ARHGEF3: variants seen among roughly 807,000 people sequenced by gnomAD.
ARHGEF3 encodes Rho guanine nucleotide exchange factor 3.
Under a neutral mutation model 63.2 loss-of-function variants are expected in ARHGEF3, and 28 were observed. The observed-to-expected ratio is 0.44, with a 90% CI of 0.33 to 0.61. ARHGEF3 has a LOEUF of 0.61. Ranked by LOEUF, ARHGEF3 falls within the 20% of genes least tolerant of loss-of-function variation. The probability of loss-of-function intolerance (pLI) is 0.03; values close to 1 mark genes in which losing one functional copy is unlikely to be tolerated. For synonymous variants in ARHGEF3, 266 were observed against 254.2 expected (o/e 1.05, Z -0.44); for missense variants, 533 against 659.3 (o/e 0.81, Z 2.10).
At chr3:56,746,584 G>T (rs931876360) in intron 6 of ARHGEF3, among the ~76,000 whole-genome samples, 2 of 151,976 alleles carry the variant, frequency 1.3e-5, no homozygotes, top group South Asian at 4.2e-4. Context: ...ACAAAAATTA[G>T]CCAGGCATGG....
At chr3:57,021,484 G>A (rs1367230833) in intron 2 of ARHGEF3, among the ~76,000 whole-genome samples, 1 of 152,060 alleles carries the variant, frequency 6.6e-6, no homozygotes, top group Non-Finnish European at 1.5e-5. Context: ...GCGGCCAGGC[G>A]CGGTGGCTCA....
chr3:56,982,403 G>T (rs1701359780), intron 2 of ARHGEF3, among the ~76,000 whole-genome samples: 1 of 152,146 alleles, frequency 6.6e-6, no homozygotes. Context: ...CTAGCACACA[G>T]TAAGCACTTA....
intron 3 of ARHGEF3, among the ~76,000 whole-genome samples, chr3:56,926,259 G>A (rs1051019412): frequency 2.6e-5 from 4 of 152,266 alleles, no homozygotes; most frequent in Admixed American, 1.3e-4. Context: ...TTCAGGAGGC[G>A]AGGAGACAGT....
At chr3:56,863,411 C>T (rs1207705405) in intron 4 of ARHGEF3, among the ~76,000 whole-genome samples, 1 of 151,982 alleles carries the variant, frequency 6.6e-6, no homozygotes, top group African/African-American at 2.4e-5. Context: ...GCGATCCTCT[C>T]ACCTCAGCCT....
chr3:57,060,263 G>A (rs1450336544), intron 1 of ARHGEF3, among the ~76,000 whole-genome samples: 16 of 149,344 alleles, frequency 1.1e-4, no homozygotes, highest in Admixed American at 3.3e-4. Flanking sequence ...ATTGTGCCAC[G>A]GCACTCCAGC....
chr3:56,928,698 G>A (rs1224352471), intron 3 of ARHGEF3, among the ~76,000 whole-genome samples: 1 of 152,168 alleles, frequency 6.6e-6, no homozygotes, highest in Non-Finnish European at 1.5e-5. Flanking sequence ...GCAGGGTTTG[G>A]AAAATGTGCC....
Position 56,794,371 on chromosome 3 carries a change from C to T in ARHGEF3, c.96+7332G>A, listed in dbSNP as rs1055781720. Among the ~76,000 whole-genome samples, 4 of 151,534 alleles carry T rather than the reference C, an allele frequency of 2.6e-5. No homozygotes were observed. The South Asian group carries it at 8.4e-4, about 32-fold the overall frequency. On this transcript the variant is annotated intron_variant, in intron 1 of 9. Transcript: ENST00000296315. ...GGCGTGGTGGCGTGTGCCTGTAATC[C>T]CAGCTACTCGGGAGGCTCAGACAGG...
Position 57,011,739 on chromosome 3 carries a change from C to A in ARHGEF3, c.62+23349G>T, listed in dbSNP as rs1702709980. On this transcript the variant is annotated intron_variant, in intron 2 of 12. Transcript: ENST00000338458. ...GCTGTGTGACCTGAAACTTTGGTCT[C>A]CTCATCTGTACAAGGAGATAATCAC... Among the ~76,000 whole-genome samples the A allele has an allele frequency of 1.3e-5, 2 of 152,196 alleles. 1 individual carries two copies. The highest frequency in any genetic ancestry group is 2.9e-5 in the Non-Finnish European group (2 of 68,046).
At chr3:56,887,759 C>A (rs1284697928) in intron 3 of ARHGEF3, among the ~76,000 whole-genome samples, 1 of 152,216 alleles carries the variant, frequency 6.6e-6, no homozygotes, top group Non-Finnish European at 1.5e-5. Context: ...ACTTCCCTTT[C>A]AACCATGAAA....
intron 2 of ARHGEF3, among the ~76,000 whole-genome samples, chr3:57,015,719 G>A (rs988007041): frequency 4.6e-5 from 7 of 151,824 alleles, no homozygotes; most frequent in African/African-American, 1.5e-4. Context: ...TGGGATTATA[G>A]GCGTGAGCCA....
intron 1 of ARHGEF3, among the ~76,000 whole-genome samples, chr3:57,036,010 C>A (rs1703937591): frequency 2.0e-5 from 3 of 152,194 alleles, no homozygotes; most frequent in Admixed American, 6.5e-5. Flanking sequence ...CATGTCCTCA[C>A]TGGGGCCCTT....
At chr3:56,915,737 A>G (rs2041971196) in intron 3 of ARHGEF3, among the ~76,000 whole-genome samples, 1 of 152,178 alleles carries the variant, frequency 6.6e-6, no homozygotes, top group Admixed American at 6.5e-5. Context: ...AACAGACTCA[A>G]AACACCAGGA....
intron 2 of ARHGEF3, among the ~76,000 whole-genome samples, chr3:56,771,054 G>A (rs947947695): frequency 6.6e-6 from 1 of 151,564 alleles, no homozygotes; most frequent in East Asian, 1.9e-4. Context: ...TGGAGGTTGC[G>A]GTGAGCTGAG....
intron 1 of ARHGEF3, among the ~76,000 whole-genome samples, chr3:57,067,460 TAATA>T (rs1468845051): frequency 7.1e-6 from 1 of 141,598 alleles, no homozygotes; most frequent in Non-Finnish European, 1.5e-5. Context: ...CTCAAAATAA[TAATA>T]ATAATAATAA....
At chr3:56,896,765 G>A (rs1371443617) in intron 3 of ARHGEF3, among the ~76,000 whole-genome samples, 2 of 152,194 alleles carry the variant, frequency 1.3e-5, no homozygotes, top group African/African-American at 4.8e-5. Flanking sequence ...AGAGTAATAA[G>A]AGAATATTTT....
intron 4 of ARHGEF3, among the ~76,000 whole-genome samples, chr3:56,835,224 G>A (rs1196737991): frequency 6.6e-6 from 1 of 152,126 alleles, no homozygotes; most frequent in African/African-American, 2.4e-5. Flanking sequence ...CCCCCAGGCT[G>A]GAGTGCAATG....
At chr3:57,069,280 T>A (rs1442859070) in intron 1 of ARHGEF3, among the ~76,000 whole-genome samples, 2 of 152,076 alleles carry the variant, frequency 1.3e-5, no homozygotes, top group African/African-American at 2.4e-5. Context: ...GTTTCTCTTC[T>A]CCCAGAAACA....
chr3:57,049,493 G>T (rs368670707), intron 1 of ARHGEF3, among the ~76,000 whole-genome samples: 3 of 152,324 alleles, frequency 2.0e-5, no homozygotes, highest in South Asian at 4.1e-4. Flanking sequence ...GAGACCATAC[G>T]GTTGTTAGTG....
chr3:57,037,381 A>G (rs767419699), intron 1 of ARHGEF3, among the ~76,000 whole-genome samples: 2 of 152,216 alleles, frequency 1.3e-5, no homozygotes, highest in Admixed American at 6.5e-5. Context: ...CCTCTGCAGC[A>G]TGTAACTGCT....
Sources: gnomAD v4.1 joint callset for allele counts (sites outside exome capture counted in the v4.1 genomes callset) on GRCh38, gnomAD v4.1.1 for gene constraint, MANE v1.5 for transcripts, NCBI Gene and HGNC (gene_info 2026-07-23, HGNC 2026-07-21) for gene names.